Variants in AGTR1 observed in about 807,000 individuals in gnomAD.
The protein encoded by AGTR1 is type-1 angiotensin II receptor.
AGTR1 carries 16 observed loss-of-function variants against 19.4 expected under a neutral mutation model. The observed-to-expected ratio is 0.82, with a 90% CI of 0.56 to 1.25. AGTR1 has a LOEUF of 1.25. AGTR1 is among the 50% of genes most tolerant of loss of function. The pLI, the probability that AGTR1 is intolerant of heterozygous loss-of-function variation, is 0.00. For synonymous variants in AGTR1, 153 were observed against 154.9 expected (o/e 0.99, Z 0.09); for missense variants, 373 against 431.9 (o/e 0.86, Z 1.21).
At chr3:148,723,809 A>G (rs1242938189) in intron 2 of AGTR1, among the ~76,000 whole-genome samples, 1 of 152,118 alleles carries the variant, frequency 6.6e-6, no homozygotes, top group Non-Finnish European at 1.5e-5. Flanking sequence ...ACCTCCAACT[A>G]TTCAGCCATG....
intron 2 of AGTR1, among the ~76,000 whole-genome samples, chr3:148,713,995 A>C (rs1713145800): frequency 1.3e-5 from 2 of 152,182 alleles, no homozygotes; most frequent in Non-Finnish European, 2.9e-5. Context: ...GAGGTAACTT[A>C]AAGTTTCTTC....
At chr3:148,730,953 G>A (rs1174532340) in intron 2 of AGTR1, among the ~76,000 whole-genome samples, 1 of 152,146 alleles carries the variant, frequency 6.6e-6, no homozygotes, top group Non-Finnish European at 1.5e-5. Context: ...TGTCGCTAGT[G>A]TAACTGAGGT....
chr3:148,722,706 T>C (rs1397824822), intron 2 of AGTR1, among the ~76,000 whole-genome samples: 1 of 152,212 alleles, frequency 6.6e-6, no homozygotes, highest in African/African-American at 2.4e-5. Flanking sequence ...CATGGCACCT[T>C]CTGAGTCAGT....
intron 1 of AGTR1, among the ~76,000 whole-genome samples, chr3:148,705,455 G>A (rs1712616149): frequency 1.3e-5 from 2 of 151,802 alleles, no homozygotes; most frequent in African/African-American, 4.8e-5. Flanking sequence ...TTCAAATGAT[G>A]TCACTTCATA....
At chr3:148,715,851 T>C (rs542355950) in intron 2 of AGTR1, among the ~76,000 whole-genome samples, 2 of 152,302 alleles carry the variant, frequency 1.3e-5, no homozygotes, top group South Asian at 2.1e-4. Flanking sequence ...CTAAAAATTG[T>C]TATCATTTAG....
chr3:148,715,733 AG>A (rs549312642), intron 2 of AGTR1, among the ~76,000 whole-genome samples: 6 of 152,340 alleles, frequency 3.9e-5, no homozygotes, highest in African/African-American at 1.2e-4. Context: ...TCTAAATCTA[AG>A]TAAATTGGTA....
chr3:148,742,073 C>T lies in AGTR1; in HGVS notation c.1038C>T (p.Ser346=), dbSNP rs1172289206. ...CCTACCGCCCCTCAGATAATGTAAG[C>T]TCATCCACCAAGAAGCCTGCACCAT... ...TLSYRPSDNV[S]SSTKKPAPCF... Residue 346 remains serine (S), a synonymous_variant, in exon 3 of 3, where the codon AGC becomes AGT. Coordinates refer to ENST00000349243, the MANE Select transcript of AGTR1 (RefSeq NM_000685.5). 2 of 1,613,902 alleles carry T rather than the reference C, an allele frequency of 1.2e-6. No individual in the cohort carries two copies. The highest frequency in any genetic ancestry group is 1.3e-5 in the African/African-American group (1 of 74,854).
intron 2 of AGTR1, among the ~76,000 whole-genome samples, chr3:148,725,807 G>A (rs1346139468): frequency 1.3e-5 from 2 of 152,130 alleles, no homozygotes; most frequent in African/African-American, 4.8e-5. Flanking sequence ...CCTGACCTGT[G>A]AGACTGCAAA....
At position 148,741,536 on chromosome 3, in the gene AGTR1, A is replaced by G; in HGVS notation, c.501A>G (p.Arg167=). The stretch of plus-strand genomic sequence containing the variant: ...CCAGTTTGCCAGCTATAATCCATCG[A>G]AATGTATTTTTCATTGAGAACACCA... ...GLASLPAIIH[R]NVFFIENTNI... The change falls in exon 3 of 3, where the codon CGA becomes CGG. Residue 167 remains arginine (R), a synonymous_variant. Coordinates refer to ENST00000349243, the MANE Select transcript of AGTR1 (RefSeq NM_000685.5). 1 of 1,614,074 alleles carries G rather than the reference A, an allele frequency of 6.2e-7. No individual in the cohort carries two copies. The highest frequency in any genetic ancestry group is 8.5e-7 in the Non-Finnish European group (1 of 1,179,958).
At chr3:148,740,106 C>A in intron 2 of AGTR1, 1 of 790,850 alleles carries the variant, frequency 1.3e-6, no homozygotes, top group Non-Finnish European at 1.7e-6. Context: ...ATTTGCATGG[C>A]TTTGTGCAGC....
intron 2 of AGTR1, among the ~76,000 whole-genome samples, chr3:148,734,385 A>G (rs1482180647): frequency 6.6e-6 from 1 of 152,214 alleles, no homozygotes; most frequent in Non-Finnish European, 1.5e-5. Context: ...CTGTCACCAC[A>G]GTTAGTCACA....
chr3:148,716,638 TC>T lies in AGTR1; in HGVS notation c.-48+8613del, dbSNP rs747685199. Among the ~76,000 whole-genome samples, 1 of 152,130 alleles carries T rather than the reference TC, an allele frequency of 6.6e-6. No homozygotes were observed. The highest frequency in any genetic ancestry group is 1.5e-5 in the Non-Finnish European group (1 of 68,024). On this transcript the variant is annotated intron_variant, in intron 2 of 2. Coordinates refer to ENST00000349243, the MANE Select transcript of AGTR1 (RefSeq NM_000685.5). The surrounding 1 kb of genome is among the most constrained non-coding windows in gnomAD (Gnocchi z 4.7). ...AAAAATAAGCTAGTTCATCACAACT[TC>T]CTTCAAATCCTTCTGCCACTGATTT...
chr3:148,742,130 G>A lies in AGTR1; in HGVS notation c.*15G>A. Reference sequence around the variant, plus strand: ...AGGTTGAGTGACATGTTCGAAACCTGTCCATAAAGTAATTTTGTGAAAGAA... The same window carrying A: ...AGGTTGAGTGACATGTTCGAAACCTATCCATAAAGTAATTTTGTGAAAGAA... On this transcript the variant is annotated 3_prime_UTR_variant, in exon 3 of 3. Coordinates refer to ENST00000349243, the MANE Select transcript of AGTR1 (RefSeq NM_000685.5). The A allele has an allele frequency of 1.2e-6, 2 of 1,613,786 alleles. No homozygotes were observed. The highest frequency in any genetic ancestry group is 1.7e-6 in the Non-Finnish European group (2 of 1,179,858).
rs1434759910 is a variant in AGTR1, at chr3:148,705,216, TTTTTTC to T, written c.-131-2722_-131-2717del. Among the ~76,000 whole-genome samples the T allele has an allele frequency of 3.9e-5, 6 of 152,158 alleles. No homozygotes were observed. The East Asian group carries it at 1.2e-3, about 29-fold the overall frequency. ...TGGAAAAAATCTCATAGCATAGCAT[TTTTTTC>T]TTTTTAACAGTTGGAAAAATTCTCG... is the stretch of plus-strand genomic sequence containing the variant. On this transcript the variant is annotated intron_variant, in intron 1 of 2. Transcript: ENST00000349243.
chr3:148,733,862 C>A (rs889438579), intron 2 of AGTR1, among the ~76,000 whole-genome samples: 1 of 152,212 alleles, frequency 6.6e-6, no homozygotes, highest in Non-Finnish European at 1.5e-5. Context: ...GGAGTCTCCT[C>A]TCTCCAGACA....
At chr3:148,730,391 G>A in intron 2 of AGTR1, 1 of 385,246 alleles carries the variant, frequency 2.6e-6, no homozygotes, top group Non-Finnish European at 4.6e-6. Context: ...CACCCTACCT[G>A]AATTATAGGA....
rs113367909 is a variant in AGTR1 at position 148,737,016 on chromosome 3, G to C, written c.-47-3973G>C. On this transcript the variant is annotated intron_variant, in intron 2 of 2. Coordinates refer to ENST00000349243, the MANE Select transcript of AGTR1 (RefSeq NM_000685.5). ...TTCTCACCAAACCAGCATCCGTTCA[G>C]CTTCAAAGAAAAAAGAGCCCTACTG... 5.0e-4 allele frequency among the ~76,000 whole-genome samples: 76 copies of C among 152,200 alleles called. 1 individual carries two copies. The highest frequency in any genetic ancestry group is 1.6e-4 in the Non-Finnish European group (11 of 68,014).
At chr3:148,702,776 T>C (rs1712423795) in intron 1 of AGTR1, among the ~76,000 whole-genome samples, 1 of 152,174 alleles carries the variant, frequency 6.6e-6, no homozygotes, top group East Asian at 1.9e-4. Flanking sequence ...TTCCACGGAG[T>C]CACTTGCTTG....
intron 2 of AGTR1, among the ~76,000 whole-genome samples, chr3:148,717,381 A>G (rs1015510525): frequency 6.6e-6 from 1 of 152,178 alleles, no homozygotes; most frequent in African/African-American, 2.4e-5. Context: ...ATGGCTAACC[A>G]ATGCCAGGGC....
Sources: allele counts gnomAD v4.1 joint callset (sites outside exome capture counted in the v4.1 genomes callset), GRCh38; gene constraint gnomAD v4.1.1; non-coding constraint Gnocchi (gnomAD v3.1); transcripts MANE v1.5; gene names NCBI Gene and HGNC (gene_info 2026-07-23, HGNC 2026-07-21).